The following TBXAS1 variants were observed in gnomAD, a reference collection of about 807,000 sequenced individuals.
TBXAS1 encodes the protein thromboxane A synthase 1.
A neutral mutation model predicts 60.7 loss-of-function variants in TBXAS1; 48 were observed. The observed-to-expected ratio is 0.79, with a 90% confidence interval of 0.63 to 1.01. The LOEUF (loss-of-function observed/expected upper bound fraction) is 1.01. Among genes scored for constraint, TBXAS1 ranks in the 50% least tolerant of loss-of-function variants. TBXAS1 has a pLI of 0.00. For synonymous variants in TBXAS1, 287 were observed against 269.7 expected (o/e 1.06, Z -0.63); for missense variants, 685 against 686.3 (o/e 1.00, Z 0.02).
chr7:139,943,242 C>T (rs776324806), intron 5 of TBXAS1, among the ~76,000 whole-genome samples: 11 of 152,230 alleles, frequency 7.2e-5, no homozygotes, highest in Non-Finnish European at 1.3e-4. Context: ...GTCATCAATA[C>T]TTCAGAGTCC....
chr7:139,850,871 C>A (rs1185266742), intron 1 of TBXAS1, among the ~76,000 whole-genome samples: 1 of 152,146 alleles, frequency 6.6e-6, no homozygotes. Flanking sequence ...TGGACAGAGG[C>A]AAGGAAGGAG....
intron 4 of TBXAS1, among the ~76,000 whole-genome samples, chr7:139,934,574 C>T (rs1482118747): frequency 6.6e-6 from 1 of 152,218 alleles, no homozygotes; most frequent in East Asian, 1.9e-4. Context: ...CAACCATAGG[C>T]TGGGGGTTTA....
At chr7:139,803,746 T>G (rs4726776) in intron 4 of TBXAS1, among the ~76,000 whole-genome samples, 8 of 152,006 alleles carry the variant, frequency 5.3e-5, no homozygotes, top group Non-Finnish European at 7.4e-5. Context: ...AGGTACCACT[T>G]GGACTTGTGG....
chr7:139,967,247 C>T (rs1025705037), intron 9 of TBXAS1, among the ~76,000 whole-genome samples: 2 of 152,248 alleles, frequency 1.3e-5, no homozygotes, highest in African/African-American at 2.4e-5. Context: ...TCCACCCTGT[C>T]ATGTCTCTCC....
chr7:139,932,243 G>A (rs761723849), intron 4 of TBXAS1, among the ~76,000 whole-genome samples: 1 of 150,384 alleles, frequency 6.6e-6, no homozygotes, highest in African/African-American at 2.4e-5. Flanking sequence ...TTAAATCAAT[G>A]TGTAGGCAAA....
chr7:139,956,426 G>A (rs554633783), intron 7 of TBXAS1, among the ~76,000 whole-genome samples: 74 of 152,286 alleles, frequency 4.9e-4, no homozygotes, highest in African/African-American at 1.6e-3. Context: ...GATTACAAGC[G>A]TGAGCCACCA....
At chr7:139,792,189 T>C (rs1446731935) in intron 4 of TBXAS1, among the ~76,000 whole-genome samples, 1 of 152,216 alleles carries the variant, frequency 6.6e-6, no homozygotes, top group African/African-American at 2.4e-5. Context: ...TCTAAATCAA[T>C]ATATTGATAT....
chr7:139,957,761 A>G lies in TBXAS1; in HGVS notation c.816A>G (p.Glu272=), dbSNP rs576991708. 34 of 1,614,052 alleles carry G rather than the reference A, an allele frequency of 2.1e-5. No homozygotes were observed. The highest frequency in any genetic ancestry group is 3.3e-5 in the Admixed American group (2 of 59,996). Residue 272 remains glutamate (E), a synonymous_variant, in exon 8 of 13, where the codon GAA becomes GAG. Coordinates refer to ENST00000448866, the MANE Select transcript of TBXAS1 (RefSeq NM_001061.7). The part of the protein sequence containing the change: ...VIALRDQQAA[E]ERRRDFLQMV... ...CCTTGCGGGACCAGCAAGCTGCCGA[A>G]GAGGTAACGTATTTTAATAGGACAC... is the stretch of plus-strand genomic sequence containing the variant.
At chr7:139,950,730 C>A (rs895898952) in intron 5 of TBXAS1, among the ~76,000 whole-genome samples, 2 of 129,916 alleles carry the variant, frequency 1.5e-5, no homozygotes, top group Non-Finnish European at 3.4e-5. Context: ...TCTACGGGAC[C>A]CCCTCGCCCT....
intron 4 of TBXAS1, among the ~76,000 whole-genome samples, chr7:139,788,063 A>T (rs535323527): frequency 5.8e-4 from 88 of 152,370 alleles, no homozygotes; most frequent in Non-Finnish European, 1.2e-3. Context: ...GAAATCTGCA[A>T]CAATTGTCAA....
At position 139,983,664 on chromosome 7, in the gene TBXAS1, C is replaced by A. The variant is rs147201616; in HGVS notation, c.1134+21431C>A. 7.0e-3 allele frequency among the ~76,000 whole-genome samples: 1,070 copies of A among 152,304 alleles called. 14 individuals are homozygous for A. Among genetic ancestry groups the A allele is most frequent in the African/African-American group, 0.024 (1,012 of 41,562 alleles). On this transcript the variant is annotated intron_variant, in intron 9 of 12. Transcript: ENST00000448866. ...ATTTTCAAACAACATACAGAACTTTCTGGGATCTTGTCATCATTCAGTGTA... is the reference window on the plus strand; with the variant it reads ...ATTTTCAAACAACATACAGAACTTTATGGGATCTTGTCATCATTCAGTGTA...
chr7:139,940,939 G>A (rs1187290968), intron 5 of TBXAS1, among the ~76,000 whole-genome samples: 1 of 151,920 alleles, frequency 6.6e-6, no homozygotes, highest in Admixed American at 6.6e-5. Context: ...AATTAAATAA[G>A]AGGATACAGC....
At chr7:139,955,414 C>T in intron 6 of TBXAS1, 45 bp from the exon 7 acceptor site, 7 of 1,613,502 alleles carry the variant, frequency 4.3e-6, no homozygotes, top group Non-Finnish European at 5.9e-6. Flanking sequence ...TGTGGGTAGC[C>T]CCTGCCAGAG....
chr7:139,804,441 G>T lies in TBXAS1; in HGVS notation c.-80+17015G>T, dbSNP rs150460774. 3.3e-5 allele frequency among the ~76,000 whole-genome samples: 5 copies of T among 152,262 alleles called. No individual in the cohort carries two copies. The East Asian group carries it at 9.6e-4, about 29-fold the overall frequency. On this transcript the variant is annotated intron_variant, in intron 4 of 16. Transcript: ENST00000336425. ...TTTGCCTTGTCTCAGATGAAACTTA[G>T]GACTTGGACTTTTGGGTTAATGCTG...
chr7:139,959,691 A>AC (rs1569519740), intron 8 of TBXAS1, among the ~76,000 whole-genome samples: 1 of 152,106 alleles, frequency 6.6e-6, no homozygotes, highest in Admixed American at 6.5e-5. Context: ...ATGGAAAAAT[A>AC]CCCGGTGTAG....
At chr7:139,900,877 G>A (rs143909088) in intron 3 of TBXAS1, among the ~76,000 whole-genome samples, 1,886 of 152,232 alleles carry the variant, frequency 0.012, 28 homozygotes, top group Middle Eastern at 0.017. Context: ...GATCCATACC[G>A]GCCTGGAGTG....
At chr7:140,015,550 G>A (rs1476077374) in intron 10 of TBXAS1, among the ~76,000 whole-genome samples, 173 bp from the exon 11 acceptor site, 1 of 152,106 alleles carries the variant, frequency 6.6e-6, no homozygotes, top group Admixed American at 6.5e-5. Flanking sequence ...GTAGGGGCTT[G>A]GTCACCCTGG....
At chr7:139,869,736 A>G (rs1218800155) in intron 1 of TBXAS1, among the ~76,000 whole-genome samples, 2 of 152,106 alleles carry the variant, frequency 1.3e-5, no homozygotes, top group Non-Finnish European at 2.9e-5. Flanking sequence ...CCCTATTTCC[A>G]AGTCACATTC....
intron 5 of TBXAS1, among the ~76,000 whole-genome samples, chr7:139,950,075 C>A (rs4726478): frequency 0.013 from 1,791 of 136,008 alleles, 104 homozygotes; most frequent in East Asian, 0.1. Context: ...GACGGAGTCT[C>A]TCTCTGTCAT....
Sources: gnomAD v4.1 joint callset for allele counts (sites outside exome capture counted in the v4.1 genomes callset) on GRCh38, gnomAD v4.1.1 for gene constraint, MANE v1.5 for transcripts, NCBI Gene and HGNC (gene_info 2026-07-23, HGNC 2026-07-21) for gene names.